Variants in GPR158 observed in about 807,000 individuals in gnomAD.
GPR158 encodes the protein metabotropic glycine receptor.
Under a neutral mutation model 78.2 loss-of-function variants are expected in GPR158, and 30 were observed. That is an observed-to-expected ratio of 0.38 (90% CI 0.29 to 0.52). GPR158 has a LOEUF of 0.52. GPR158 is among the 20% of genes least tolerant of loss of function. The pLI, the probability that GPR158 is intolerant of heterozygous loss-of-function variation, is 0.83. For missense variants in GPR158, 1,463 were observed against 1,523.5 expected (o/e 0.96, Z 0.66); for synonymous variants, 581 against 591.1 (o/e 0.98, Z 0.25).
intron 5 of GPR158, among the ~76,000 whole-genome samples, chr10:25,494,940 G>A (rs1835857776): frequency 6.6e-6 from 1 of 152,124 alleles, no homozygotes; most frequent in South Asian, 2.1e-4. Flanking sequence ...CAACAGAGGA[G>A]CATGTTGCCT....
chr10:25,257,112 G>A (rs762314081), intron 2 of GPR158, among the ~76,000 whole-genome samples: 1 of 152,168 alleles, frequency 6.6e-6, no homozygotes, highest in Non-Finnish European at 1.5e-5. Context: ...AAGTCCAAGA[G>A]CATAGAATTG....
chr10:25,184,426 C>T (rs1001912262), intron 1 of GPR158, among the ~76,000 whole-genome samples: 2 of 152,094 alleles, frequency 1.3e-5, no homozygotes, highest in African/African-American at 4.8e-5. Context: ...GATTACAGGC[C>T]TGAGCCAGCA....
At chr10:25,341,383 C>T (rs1320653007) in intron 2 of GPR158, among the ~76,000 whole-genome samples, 2 of 151,886 alleles carry the variant, frequency 1.3e-5, no homozygotes, top group African/African-American at 2.4e-5. Flanking sequence ...AATATCTATG[C>T]ATTATCTGGG....
At chr10:25,412,624 T>C in intron 4 of GPR158, 151 bp downstream of exon 4, 1 of 616,452 alleles carries the variant, frequency 1.6e-6, no homozygotes, top group Non-Finnish European at 2.9e-6. Context: ...TTATATTCTT[T>C]AGCTGACCAG....
At chr10:25,319,381 T>A (rs1179563165) in intron 2 of GPR158, among the ~76,000 whole-genome samples, 1 of 152,172 alleles carries the variant, frequency 6.6e-6, no homozygotes, top group Non-Finnish European at 1.5e-5. Context: ...TGTCTTATTT[T>A]TTTTGTAAAT....
intron 5 of GPR158, among the ~76,000 whole-genome samples, chr10:25,503,756 A>G (rs572761139): frequency 6.7e-6 from 1 of 149,606 alleles, no homozygotes; most frequent in East Asian, 2.0e-4. Context: ...CTTCTGGTCT[A>G]CCCACAGCTC....
At chr10:25,528,839 G>A (rs1400845696) in intron 5 of GPR158, among the ~76,000 whole-genome samples, 1 of 152,162 alleles carries the variant, frequency 6.6e-6, no homozygotes, top group Non-Finnish European at 1.5e-5. Context: ...AAAGCTAGAG[G>A]ATTTATACTA....
intron 3 of GPR158, among the ~76,000 whole-genome samples, chr10:25,403,923 A>C (rs1206572726): frequency 6.6e-6 from 1 of 152,022 alleles, no homozygotes; most frequent in Non-Finnish European, 1.5e-5. Flanking sequence ...TAAACTGCTG[A>C]GGTGCTAAGT....
chr10:25,304,926 C>T (rs58942965), intron 2 of GPR158, among the ~76,000 whole-genome samples: 30,803 of 152,098 alleles, frequency 0.2, 5,273 homozygotes, highest in African/African-American at 0.47. Flanking sequence ...AGTTATCTAA[C>T]CTGTATTTGA....
chr10:25,393,205 C>A (rs1834324499), intron 2 of GPR158, among the ~76,000 whole-genome samples: 2 of 152,118 alleles, frequency 1.3e-5, no homozygotes, highest in Non-Finnish European at 2.9e-5. Context: ...ACTTTAATTA[C>A]AATAAACTTT....
At chr10:25,596,157 A>C (rs573755023) in intron 9 of GPR158, among the ~76,000 whole-genome samples, 1 of 152,304 alleles carries the variant, frequency 6.6e-6, no homozygotes. Flanking sequence ...TTAAACTCAT[A>C]ATTGTCTCCA....
chr10:25,533,746 G>C (rs968934910), intron 5 of GPR158, among the ~76,000 whole-genome samples: 2 of 152,076 alleles, frequency 1.3e-5, no homozygotes, highest in African/African-American at 4.8e-5. Flanking sequence ...CTCCATCAAA[G>C]ATCACTAATT....
chr10:25,357,900 G>T (rs1855575275), intron 2 of GPR158, among the ~76,000 whole-genome samples: 2 of 152,080 alleles, frequency 1.3e-5, no homozygotes, highest in African/African-American at 4.8e-5. Flanking sequence ...TGGAAAAGCT[G>T]CAGACACTCA....
chr10:25,330,330 T>C lies in GPR158; in HGVS notation c.1009-65581T>C, dbSNP rs73608275. On this transcript the variant is annotated intron_variant, in intron 2 of 10. Coordinates refer to ENST00000376351, the MANE Select transcript of GPR158 (RefSeq NM_020752.3). ...TGACTCACATTTATTGAAACTAGAA[T>C]TTTTTATGGTTGCTGCAGGAGCACA... 7.3e-3 allele frequency among the ~76,000 whole-genome samples: 1,116 copies of C among 152,296 alleles called. 11 individuals are homozygous for C. The highest frequency in any genetic ancestry group is 0.026 in the African/African-American group (1,078 of 41,566).
intron 1 of GPR158, among the ~76,000 whole-genome samples, chr10:25,218,467 G>T (rs1853250428): frequency 6.6e-6 from 1 of 152,212 alleles, no homozygotes; most frequent in Non-Finnish European, 1.5e-5. Context: ...GTTAGCCGAT[G>T]TCTGAGTAAG....
rs191744262 is a variant in GPR158, at chr10:25,291,678, G to A, written c.1008+70521G>A. 2.7e-4 allele frequency among the ~76,000 whole-genome samples: 41 copies of A among 151,916 alleles called. No homozygotes were observed. In the East Asian group the frequency reaches 7.9e-3, roughly 29 times the overall value. ...AACAAAACATCACAGTAAAATGAAT[G>A]AGAAAAAACATATTTGCAATTCTAG... On this transcript the variant is annotated intron_variant, in intron 2 of 10. Coordinates refer to ENST00000376351, the MANE Select transcript of GPR158 (RefSeq NM_020752.3).
chr10:25,253,290 G>T (rs900525732), intron 2 of GPR158, among the ~76,000 whole-genome samples: 1 of 152,194 alleles, frequency 6.6e-6, no homozygotes, highest in Non-Finnish European at 1.5e-5. Flanking sequence ...CGGTCACGCT[G>T]GGAGCTGTAG....
At chr10:25,512,872 G>A (rs1836103283) in intron 5 of GPR158, among the ~76,000 whole-genome samples, 1 of 152,006 alleles carries the variant, frequency 6.6e-6, no homozygotes. Flanking sequence ...TGCATCCCTG[G>A]TATGAAATCC....
At chr10:25,397,667 G>A (rs962656694) in intron 3 of GPR158, among the ~76,000 whole-genome samples, 6 of 152,096 alleles carry the variant, frequency 3.9e-5, no homozygotes, top group South Asian at 2.1e-4. Flanking sequence ...ACATTTTGCC[G>A]TCTCCTCCGC....
Sources: allele counts gnomAD v4.1 joint callset (sites outside exome capture counted in the v4.1 genomes callset), GRCh38; gene constraint gnomAD v4.1.1; transcripts MANE v1.5; gene names NCBI Gene and HGNC (gene_info 2026-07-23, HGNC 2026-07-21).